CLCN5: variants seen among roughly 807,000 people sequenced by gnomAD.
The protein encoded by CLCN5 is Cl-/H+ antiporter 5, also known as H(+)/Cl(-) exchange transporter 5.
Under a neutral mutation model 54.0 loss-of-function variants are expected in CLCN5, and 17 were observed. That is an observed-to-expected ratio of 0.31 (90% confidence interval 0.22 to 0.47). CLCN5 has a LOEUF of 0.47. Ranked by LOEUF, CLCN5 falls within the 20% of genes least tolerant of loss-of-function variation. The probability of loss-of-function intolerance (pLI) is 1.00; values close to 1 mark genes in which losing one functional copy is unlikely to be tolerated. For synonymous variants in CLCN5, 222 were observed against 233.0 expected (o/e 0.95, Z 0.43); for missense variants, 448 against 646.7 (o/e 0.69, Z 3.33).
intron 7 of CLCN5, among the ~76,000 whole-genome samples, chrX:50,079,539 C>G (rs1933589192): frequency 1.8e-5 from 2 of 112,020 alleles, no homozygotes; most frequent in South Asian, 7.5e-4. Context: ...AGCTAGATTT[C>G]TTTTGTGGCA....
intron 3 of CLCN5, among the ~76,000 whole-genome samples, chrX:49,997,368 C>G (rs1929573668): frequency 9.0e-6 from 1 of 111,187 alleles, no homozygotes; most frequent in Non-Finnish European, 1.9e-5. Flanking sequence ...CCAGAGATGT[C>G]AAAGTCATAC....
At chrX:50,086,980 C>A in intron 11 of CLCN5, 110 bp downstream of exon 11, 2 of 737,871 alleles carry the variant, frequency 2.7e-6, no homozygotes, top group South Asian at 2.3e-5. Flanking sequence ...TTCAAATCCC[C>A]CTCACATTAT....
At chrX:50,036,947 T>A (rs1267329771) in intron 3 of CLCN5, among the ~76,000 whole-genome samples, 1 of 112,172 alleles carries the variant, frequency 8.9e-6, no homozygotes, top group Admixed American at 9.5e-5. Flanking sequence ...GTAGAAACCT[T>A]GAGTGCCTGC....
chrX:50,038,456 G>A (rs1932088204), intron 3 of CLCN5, among the ~76,000 whole-genome samples: 1 of 111,419 alleles, frequency 9.0e-6, no homozygotes, highest in African/African-American at 3.3e-5. Context: ...GATGCAAATA[G>A]AAGAACACAA....
At chrX:50,051,647 A>T (rs782184193) in intron 4 of CLCN5, among the ~76,000 whole-genome samples, 12 of 112,248 alleles carry the variant, frequency 1.1e-4, no homozygotes, top group South Asian at 3.7e-4. Context: ...CATCCCATGA[A>T]CATTGACTAT....
chrX:50,087,574 T>A (rs965836902), intron 11 of CLCN5, among the ~76,000 whole-genome samples: 1 of 111,938 alleles, frequency 8.9e-6, no homozygotes, highest in East Asian at 2.8e-4. Context: ...TGTTTGTTTC[T>A]TTCTTTTCTT....
At chrX:49,976,984 G>A (rs1210801570) in intron 3 of CLCN5, among the ~76,000 whole-genome samples, 1 of 111,749 alleles carries the variant, frequency 8.9e-6, no homozygotes, top group Non-Finnish European at 1.9e-5. Flanking sequence ...CATTAAGGAA[G>A]CAAGGACACA....
intron 4 of CLCN5, among the ~76,000 whole-genome samples, chrX:50,056,292 G>A (rs1190476032): frequency 9.0e-6 from 1 of 110,792 alleles, no homozygotes; most frequent in Non-Finnish European, 1.9e-5. Flanking sequence ...GAAGTTATTA[G>A]GCAGGATCGT....
intron 3 of CLCN5, among the ~76,000 whole-genome samples, chrX:49,990,459 C>T (rs1057452450): frequency 1.0e-4 from 11 of 106,129 alleles, no homozygotes; most frequent in African/African-American, 3.8e-4. Context: ...TCATCTTAGT[C>T]TTCGTCTTGG....
intron 3 of CLCN5, among the ~76,000 whole-genome samples, chrX:50,017,007 C>A (rs1930821614): frequency 9.0e-6 from 1 of 111,304 alleles, no homozygotes; most frequent in Non-Finnish European, 1.9e-5. Flanking sequence ...TCTGGAGGCA[C>A]AAAGTTTATT....
At chrX:49,924,360 G>A in intron 2 of CLCN5, among the ~76,000 whole-genome samples, 1 of 111,122 alleles carries the variant, frequency 9.0e-6, no homozygotes, top group Non-Finnish European at 1.9e-5. Flanking sequence ...GTAGAGACGG[G>A]GTTTCACCAT....
At chrX:50,057,075 A>T (rs1369521058) in intron 4 of CLCN5, among the ~76,000 whole-genome samples, 1 of 110,768 alleles carries the variant, frequency 9.0e-6, no homozygotes, top group African/African-American at 3.3e-5. Flanking sequence ...GAGTGCAGGG[A>T]TGAGATTCAA....
chrX:50,040,503 G>A (rs1351514591), intron 3 of CLCN5, among the ~76,000 whole-genome samples: 1 of 111,842 alleles, frequency 8.9e-6, no homozygotes, highest in Non-Finnish European at 1.9e-5. Flanking sequence ...CAAGTTACTT[G>A]TGCATGCTAA....
At chrX:49,937,021 A>C (rs1926032049) in intron 3 of CLCN5, among the ~76,000 whole-genome samples, 1 of 111,379 alleles carries the variant, frequency 9.0e-6, no homozygotes, top group East Asian at 2.8e-4. Context: ...TGGGATCAGG[A>C]GTTTGAGGCT....
chrX:50,066,152 T>TA (rs1933005909), intron 4 of CLCN5, among the ~76,000 whole-genome samples: 1 of 66,019 alleles, frequency 1.5e-5, no homozygotes, highest in East Asian at 4.1e-4. Flanking sequence ...CCCTAAAACT[T>TA]AAAGTATAAT....
chrX:49,966,554 A>T (rs1487155355), intron 3 of CLCN5, among the ~76,000 whole-genome samples: 1 of 86,054 alleles, frequency 1.2e-5, no homozygotes, highest in African/African-American at 3.7e-5. Context: ...TCCTTTTTAA[A>T]TGTTTTCTAT....
chrX:50,067,820 G>A, intron 4 of CLCN5: 1 of 542,128 alleles, frequency 1.8e-6, no homozygotes, highest in Non-Finnish European at 2.2e-6. Context: ...AGGGGATCTG[G>A]AGAATTGCAA....
At chrX:50,076,065 C>T (rs964534915) in intron 7 of CLCN5, 83 bp downstream of exon 7, 17 of 905,913 alleles carry the variant, frequency 1.9e-5, no homozygotes, top group East Asian at 6.6e-5. Flanking sequence ...ACAGCAATTG[C>T]GGAATCTTCC....
At chrX:49,934,259 G>GT (rs1276395766) in intron 3 of CLCN5, among the ~76,000 whole-genome samples, 1 of 111,054 alleles carries the variant, frequency 9.0e-6, no homozygotes, top group East Asian at 2.8e-4. Context: ...CTTCCAGGAT[G>GT]TTTTTTTTCC....
Sources: gnomAD v4.1 joint callset for allele counts (sites outside exome capture counted in the v4.1 genomes callset) on GRCh38, gnomAD v4.1.1 for gene constraint, MANE v1.5 for transcripts, NCBI Gene and HGNC (gene_info 2026-07-23, HGNC 2026-07-21) for gene names.